The following TMEM53 variants were observed in gnomAD, a reference collection of about 807,000 sequenced individuals.
TMEM53 encodes novel DUF829 domain-containing protein.
TMEM53 carries 14 observed loss-of-function variants against 21.4 expected under a neutral mutation model. The observed-to-expected ratio is 0.65, with a 90% CI of 0.43 to 1.02. TMEM53 has a LOEUF of 1.02. Among genes scored for constraint, TMEM53 ranks in the 50% least tolerant of loss-of-function variants. The pLI, the probability that TMEM53 is intolerant of heterozygous loss-of-function variation, is 0.00. For synonymous variants in TMEM53, 148 were observed against 157.4 expected (o/e 0.94, Z 0.45); for missense variants, 323 against 383.6 (o/e 0.84, Z 1.32).
chr1:44,672,782 A>AC (rs1489451211), intron 1 of TMEM53, among the ~76,000 whole-genome samples: 3 of 150,966 alleles, frequency 2.0e-5, no homozygotes, highest in East Asian at 1.9e-4. Context: ...AAAAAAAAAA[A>AC]AGAAAGGGGG....
At chr1:44,670,121 G>A (rs1427996311) in intron 1 of TMEM53, among the ~76,000 whole-genome samples, 2 of 126,618 alleles carry the variant, frequency 1.6e-5, no homozygotes, top group Non-Finnish European at 3.2e-5. Context: ...ATCTAGAGGT[G>A]AAAGAAAAGA....
chr1:44,663,709 GAA>G (rs894412163), intron 1 of TMEM53, among the ~76,000 whole-genome samples: 5 of 152,132 alleles, frequency 3.3e-5, no homozygotes, highest in African/African-American at 1.2e-4. Context: ...TTGAGGCACT[GAA>G]AACTTTGGCC....
intron 1 of TMEM53, among the ~76,000 whole-genome samples, chr1:44,664,678 G>A (rs536449160): frequency 6.6e-6 from 1 of 152,110 alleles, no homozygotes; most frequent in Admixed American, 6.5e-5. Context: ...CTCCAAACCT[G>A]TATACATGGC....
In TMEM53 at chr1:44,674,318, C is replaced by T. The variant is rs553498425; in HGVS notation, c.61+13G>A. The T allele has an allele frequency of 1.2e-5, 20 of 1,610,222 alleles. No individual in the cohort carries two copies. The highest frequency in any genetic ancestry group is 1.2e-4 in the African/African-American group (9 of 74,890). On this transcript the variant is annotated intron_variant, in intron 1 of 2. Transcript: ENST00000372237. ...TCACCTCCCCGCGCCTGGACCCAAC[C>T]CTCATTCCATACTCTGGCTCCAGCA... is the stretch of plus-strand genomic sequence containing the variant.
At chr1:44,671,884 G>A (rs1044652703) in intron 1 of TMEM53, among the ~76,000 whole-genome samples, 6 of 152,164 alleles carry the variant, frequency 3.9e-5, no homozygotes, top group Non-Finnish European at 5.9e-5. Flanking sequence ...AACTGAGATC[G>A]TGCCACTGCA....
chr1:44,655,830 C>G lies in TMEM53; in HGVS notation c.184-621G>C, dbSNP rs1557490650. ...AAAAACAGAGTCCATACTCTCTGGACTCAGGGACCTGACACTCAAATGTCC... is the reference window on the plus strand; with the variant it reads ...AAAAACAGAGTCCATACTCTCTGGAGTCAGGGACCTGACACTCAAATGTCC... On this transcript the variant is annotated intron_variant, in intron 2 of 2. Transcript: ENST00000372237. The surrounding 1 kb of genome is among the most constrained non-coding windows in gnomAD (Gnocchi z 4.4). Among the ~76,000 whole-genome samples, 2 of 152,216 alleles carry G rather than the reference C, an allele frequency of 1.3e-5. No homozygotes were observed. The highest frequency in any genetic ancestry group is 4.8e-5 in the African/African-American group (2 of 41,454).
At position 44,654,667 on chromosome 1, in the gene TMEM53, C is replaced by A; in HGVS notation, c.726G>T (p.Ala242=). 2 of 1,614,096 alleles carry A rather than the reference C, an allele frequency of 1.2e-6. No individual in the cohort carries two copies. Among genetic ancestry groups the A allele is most frequent in the African/African-American group, 1.3e-5 (1 of 75,046 alleles). ...CAGATGACACGAAATCCACAGAACG[C>A]GCCAGGACCCGGCGTGCCAGGCGTG... ...VEARLARRVL[A]RSVDFVSSAH... Residue 242 remains alanine, a synonymous_variant, in exon 3 of 3, where the codon GCG becomes GCT. Transcript: ENST00000372237. This position sits in a 1 kb window ranked among gnomAD's most constrained non-coding sequence, Gnocchi z 7.0.
chr1:44,662,042 ATGGATGCC>A (rs1644906652), intron 1 of TMEM53, among the ~76,000 whole-genome samples: 1 of 152,228 alleles, frequency 6.6e-6, no homozygotes, highest in Non-Finnish European at 1.5e-5. Context: ...CCTGAAATTT[ATGGATGCC>A]GGTGGTGACC....
chr1:44,658,771 T>G (rs1275532299), intron 2 of TMEM53, among the ~76,000 whole-genome samples: 2 of 152,088 alleles, frequency 1.3e-5, no homozygotes, highest in Non-Finnish European at 2.9e-5. Context: ...AGGCTGGTCT[T>G]GAACTCCTGA....
At chr1:44,665,640 A>C (rs887206211) in intron 1 of TMEM53, among the ~76,000 whole-genome samples, 3 of 152,130 alleles carry the variant, frequency 2.0e-5, no homozygotes, top group African/African-American at 7.2e-5. Context: ...CATCTCAAAA[A>C]AAAAAAAAAA....
Position 44,655,037 on chromosome 1 carries a change from A to G in TMEM53, c.356T>C (p.Leu119Pro). 4 of 1,614,202 alleles carry G rather than the reference A, an allele frequency of 2.5e-6. No individual in the cohort carries two copies. Among genetic ancestry groups the G allele is most frequent in the Non-Finnish European group, 3.4e-6 (4 of 1,180,014 alleles). The stretch of plus-strand genomic sequence containing the variant: ...CAGGAGCTCCAGCACGTAGCGGTAC[A>G]GCATGACGCCACCGTTGCTGAAGAC... The part of the protein sequence containing the change: ...FHVFSNGGVM[L>P]YRYVLELLQT... Residue 119 changes from leucine (L) to proline (P), a missense_variant, in exon 3 of 3, where the codon CTG becomes CCG. By Grantham distance (98) the Leu-to-Pro change is moderately conservative. Transcript: ENST00000372237. The surrounding 1 kb of genome is among the most constrained non-coding windows in gnomAD (Gnocchi z 4.4).
chr1:44,667,084 C>G (rs1211284649), intron 1 of TMEM53, among the ~76,000 whole-genome samples: 1 of 152,046 alleles, frequency 6.6e-6, no homozygotes, highest in Non-Finnish European at 1.5e-5. Flanking sequence ...CTCAAGCAAT[C>G]CTCCCACCTT....
At chr1:44,666,115 A>T (rs1644946692) in intron 1 of TMEM53, among the ~76,000 whole-genome samples, 1 of 152,254 alleles carries the variant, frequency 6.6e-6, no homozygotes, top group African/African-American at 2.4e-5. Flanking sequence ...CAAATGGCCA[A>T]TAAGCACATA....
chr1:44,673,835 G>C, intron 1 of TMEM53: 1 of 984,860 alleles, frequency 1.0e-6, no homozygotes, highest in African/African-American at 1.7e-5. Flanking sequence ...GGCAGAGACT[G>C]CACTGTTAAC....
rs901088747 is a variant in TMEM53, at chr1:44,654,347, A to AG, written c.*211dup. 48 of 577,972 alleles carry AG rather than the reference A, an allele frequency of 8.3e-5. No individual in the cohort carries two copies. In the African/African-American group the frequency reaches 8.4e-4, roughly 10 times the overall value. The allele number at this position is 577,972 out of a possible 1,614,324, so 35.8% of individuals were successfully genotyped here. On this transcript the variant is annotated 3_prime_UTR_variant, in exon 3 of 3. Transcript: ENST00000372237. This position sits in a 1 kb window ranked among gnomAD's most constrained non-coding sequence, Gnocchi z 7.0. ...GCAAGGCTCCCACAGACACATGCCC[A>AG]GGCACTCCTGCCCCTTAGGATTCTG...
At chr1:44,674,250 G>A in intron 1 of TMEM53, 81 bp downstream of exon 1, 1 of 1,516,788 alleles carries the variant, frequency 6.6e-7, no homozygotes, top group Non-Finnish European at 8.9e-7. Flanking sequence ...GCCGCATGAG[G>A]GGCGGGGCTA....
chr1:44,663,185 T>C (rs1314405491), intron 1 of TMEM53, among the ~76,000 whole-genome samples: 2 of 152,248 alleles, frequency 1.3e-5, no homozygotes, highest in East Asian at 3.8e-4. Context: ...TTCTGAGTAG[T>C]TGGGACCACA....
Position 44,674,249 on chromosome 1 carries a change from G to C in TMEM53, c.61+82C>G, listed in dbSNP as rs554859619. 1,839 of 1,511,644 alleles carry C rather than the reference G, an allele frequency of 1.2e-3. 5 individuals are homozygous for C. The highest frequency in any genetic ancestry group is 1.3e-3 in the South Asian group (99 of 77,060). 93.6% of individuals were successfully genotyped at this position (1,511,644 alleles called of 1,614,324 possible). ...CCCGAGGGAGGGCGGGGCCGCATGA[G>C]GGGCGGGGCTACAGCTGCGCTCGCA... On this transcript the variant is annotated intron_variant, in intron 1 of 2. Coordinates refer to ENST00000372237, the MANE Select transcript of TMEM53 (RefSeq NM_024587.4).
intron 1 of TMEM53, among the ~76,000 whole-genome samples, chr1:44,664,452 CAAAAAAA>C: frequency 8.5e-6 from 1 of 117,830 alleles, no homozygotes; most frequent in Admixed American, 9.4e-5. Context: ...AACTCCATCT[CAAAAAAA>C]AAAAAAAAAA....
Sources: gnomAD v4.1 joint callset for allele counts (sites outside exome capture counted in the v4.1 genomes callset) on GRCh38, gnomAD v4.1.1 for gene constraint, Gnocchi (gnomAD v3.1) non-coding constraint, MANE v1.5 for transcripts, NCBI Gene and HGNC (gene_info 2026-07-23, HGNC 2026-07-21) for gene names.